The following CLEC16A variants were observed in gnomAD, a reference collection of about 807,000 sequenced individuals.
CLEC16A encodes protein CLEC16A.
In CLEC16A, 51 loss-of-function variants were observed where a neutral mutation model predicts 109.5. The ratio of observed to expected loss-of-function variants is 0.47; its 90% confidence interval spans 0.37 to 0.59. The LOEUF (loss-of-function observed/expected upper bound fraction) is 0.59. Among genes scored for constraint, CLEC16A ranks in the 20% least tolerant of loss-of-function variants. The probability of loss-of-function intolerance (pLI) is 0.00; values close to 1 mark genes in which losing one functional copy is unlikely to be tolerated. For missense variants in CLEC16A, 1,339 were observed against 1,394.0 expected, an observed-to-expected ratio of 0.96 and a Z score of 0.63; for synonymous variants, 673 against 564.2, an observed-to-expected ratio of 1.19 and a Z score of -2.73.
chr16:11,103,331 G>A (rs1468988568), intron 19 of CLEC16A, among the ~76,000 whole-genome samples: 2 of 152,146 alleles, frequency 1.3e-5, no homozygotes, highest in South Asian at 2.1e-4. Context: ...TGTAATCCCA[G>A]CACTTTGGGA....
chr16:11,021,773 G>A (rs1229222319), intron 12 of CLEC16A, among the ~76,000 whole-genome samples: 1 of 152,184 alleles, frequency 6.6e-6, no homozygotes, highest in Non-Finnish European at 1.5e-5. Context: ...CTCCAGCCTG[G>A]GCAACAGAAT....
At chr16:11,168,030 C>A (rs1401607336) in intron 23 of CLEC16A, among the ~76,000 whole-genome samples, 1 of 152,194 alleles carries the variant, frequency 6.6e-6, no homozygotes, top group Non-Finnish European at 1.5e-5. Flanking sequence ...CTGTGGTCAC[C>A]TTTCTGTCAT....
intron 19 of CLEC16A, among the ~76,000 whole-genome samples, chr16:11,073,568 AGCGGCCCAAGCTACCCACGACACTCC>A (rs1388280133): frequency 1.6e-4 from 24 of 152,128 alleles, no homozygotes; most frequent in South Asian, 8.3e-4. Flanking sequence ...CTCGCAGTGC[AGCGGCCCAAGCTACCCACGACACTCC>A]TCTTCTCCCA....
intron 19 of CLEC16A, among the ~76,000 whole-genome samples, chr16:11,103,099 C>T (rs1018247781): frequency 6.6e-5 from 10 of 152,146 alleles, no homozygotes; most frequent in South Asian, 2.1e-4. Context: ...GACCTTCTGG[C>T]GGAAATGAGG....
At chr16:11,083,761 C>T (rs2049862153) in intron 19 of CLEC16A, among the ~76,000 whole-genome samples, 1 of 152,268 alleles carries the variant, frequency 6.6e-6, no homozygotes, top group Admixed American at 6.5e-5. Flanking sequence ...AAGCCCTCCA[C>T]TTCCAGCCTC....
chr16:11,158,517 C>T (rs1200532964), intron 22 of CLEC16A, among the ~76,000 whole-genome samples: 1 of 152,208 alleles, frequency 6.6e-6, no homozygotes, highest in African/African-American at 2.4e-5. Context: ...CTTTGACACA[C>T]CTCTAACTGA....
At chr16:10,971,655 C>T in intron 5 of CLEC16A, 6 of 386,452 alleles carry the variant, frequency 1.6e-5, no homozygotes, top group Non-Finnish European at 2.1e-5. Flanking sequence ...CAGCAGGGGG[C>T]AATGTTGTAT....
At chr16:11,108,518 G>C (rs1004410780) in intron 19 of CLEC16A, among the ~76,000 whole-genome samples, 1 of 152,374 alleles carries the variant, frequency 6.6e-6, no homozygotes, top group African/African-American at 2.4e-5. Context: ...AGCTAGCCCA[G>C]GTAGAGGGGG....
rs913700149 is a variant in CLEC16A, at chr16:11,108,153, A to G, written c.2117-12462A>G. ...AGCCATCCTTCTGCTGGTCTGAAGC[A>G]CCATGAGGGCAGGCTGCTGACTGGT... On this transcript the variant is annotated intron_variant, in intron 19 of 23. Transcript: ENST00000409790. Among the ~76,000 whole-genome samples the G allele has an allele frequency of 3.9e-5, 6 of 152,236 alleles. 1 individual carries two copies. The East Asian group carries it at 1.2e-3, about 29-fold the overall frequency.
At position 11,008,613 on chromosome 16, in the gene CLEC16A, T is replaced by C. The variant is rs369188443; in HGVS notation, c.1303+5308T>C. Among the ~76,000 whole-genome samples the C allele has an allele frequency of 2.4e-4, 36 of 152,104 alleles. No homozygotes were observed. In the East Asian group the frequency reaches 5.2e-3, roughly 22 times the overall value. Reference sequence around the variant, plus strand: ...GATGTGGCCTTCCCTGCTCCCTTTTTTTTTCCTTTTTTTAAACTTATGGTA... The same window carrying C: ...GATGTGGCCTTCCCTGCTCCCTTTTCTTTTCCTTTTTTTAAACTTATGGTA... On this transcript the variant is annotated intron_variant, in intron 11 of 23. Coordinates refer to ENST00000409790, the MANE Select transcript of CLEC16A (RefSeq NM_015226.3).
At chr16:11,032,457 C>A (rs914178880) in intron 13 of CLEC16A, among the ~76,000 whole-genome samples, 13 of 152,362 alleles carry the variant, frequency 8.5e-5, no homozygotes, top group African/African-American at 2.4e-4. Flanking sequence ...TATCATTCAG[C>A]AGATACTTGC....
At chr16:11,136,119 C>G (rs1417442219) in intron 22 of CLEC16A, 1 of 152,300 alleles carries the variant, frequency 6.6e-6, no homozygotes, top group Non-Finnish European at 1.5e-5. Flanking sequence ...GCACCCAGCA[C>G]AAGCCAAAGA....
chr16:11,030,551 T>C (rs2046680993), intron 13 of CLEC16A, among the ~76,000 whole-genome samples: 1 of 152,250 alleles, frequency 6.6e-6, no homozygotes, highest in Non-Finnish European at 1.5e-5. Context: ...TTGCCATACA[T>C]GTCTTTGTTA....
At chr16:10,953,702 C>T (rs998918951) in intron 1 of CLEC16A, among the ~76,000 whole-genome samples, 3 of 152,176 alleles carry the variant, frequency 2.0e-5, no homozygotes, top group African/African-American at 4.8e-5. Flanking sequence ...GCAGGCTAGG[C>T]GCGGTGGCTC....
In CLEC16A at chr16:10,962,408, T is replaced by G. The variant is rs749286930; in HGVS notation, c.210-47T>G. 25 of 1,611,850 alleles carry G rather than the reference T, an allele frequency of 1.6e-5. No individual in the cohort carries two copies. The Admixed American group carries it at 3.8e-4, about 25-fold the overall frequency. On this transcript the variant is annotated intron_variant, in intron 2 of 23. Coordinates refer to ENST00000409790, the MANE Select transcript of CLEC16A (RefSeq NM_015226.3). ...ATGAAACCAGATAATAATTTCTGTT[T>G]CCACATGTGGAAGCAAGCCACTGAT...
chr16:11,051,754 T>G (rs545283046), intron 18 of CLEC16A, 113 bp downstream of exon 18: 51 of 1,352,992 alleles, frequency 3.8e-5, no homozygotes, highest in Non-Finnish European at 3.0e-5. Flanking sequence ...TCAACACAGC[T>G]TAGACAGTGG....
chr16:11,108,239 G>A (rs1046436659), intron 19 of CLEC16A, among the ~76,000 whole-genome samples: 7 of 152,258 alleles, frequency 4.6e-5, no homozygotes, highest in African/African-American at 1.7e-4. Context: ...CCCAGCTTCA[G>A]TCTCTCCTGC....
At position 11,042,324 on chromosome 16, in the gene CLEC16A, T is replaced by C. The variant is rs1385496336; in HGVS notation, c.1731T>C (p.Ala577=). ...TGAAGCAGCAAGTCCTGATGAGTGC[T>C]GGCTGCATCATGAAGGACGTGCACC... The part of the protein sequence containing the change: ...LLLKQQVLMS[A]GCIMKDVHLA... Residue 577 remains alanine, a synonymous_variant, in exon 15 of 24, where the codon GCT becomes GCC. Transcript: ENST00000409790. 3 of 1,593,594 alleles carry C rather than the reference T, an allele frequency of 1.9e-6. No homozygotes were observed. Among genetic ancestry groups the C allele is most frequent in the Non-Finnish European group, 2.6e-6 (3 of 1,170,396 alleles).
intron 19 of CLEC16A, among the ~76,000 whole-genome samples, chr16:11,114,658 A>G (rs1322264873): frequency 1.3e-5 from 2 of 152,106 alleles, no homozygotes; most frequent in Admixed American, 6.5e-5. Flanking sequence ...CCAAGACCCC[A>G]TGGCAGTCCC....
Sources: gnomAD v4.1 joint callset for allele counts (sites outside exome capture counted in the v4.1 genomes callset) on GRCh38, gnomAD v4.1.1 for gene constraint, MANE v1.5 for transcripts, NCBI Gene and HGNC (gene_info 2026-07-23, HGNC 2026-07-21) for gene names.